The following ELOVL4 variants were observed in gnomAD, a reference collection of about 807,000 sequenced individuals.
ELOVL4 encodes ELOVL fatty acid elongase 4.
A neutral mutation model predicts 42.1 loss-of-function variants in ELOVL4; 18 were observed. The observed-to-expected ratio is 0.43, with a 90% CI of 0.30 to 0.63. The LOEUF is 0.63. Ranked by LOEUF, ELOVL4 falls within the 30% of genes least tolerant of loss-of-function variation. The pLI is 0.15. For missense variants in ELOVL4, 299 were observed against 376.2 expected, an observed-to-expected ratio of 0.79 and a Z score of 1.70; for synonymous variants, 117 against 127.0, an observed-to-expected ratio of 0.92 and a Z score of 0.53.
At chr6:79,924,074 G>A (rs117007854) in intron 3 of ELOVL4, among the ~76,000 whole-genome samples, 8 of 152,160 alleles carry the variant, frequency 5.3e-5, no homozygotes, top group East Asian at 1.9e-4. Flanking sequence ...CAATAAATAC[G>A]TAATAGAATA....
At chr6:79,932,123 G>T (rs1420301305) in intron 1 of ELOVL4, among the ~76,000 whole-genome samples, 2 of 152,178 alleles carry the variant, frequency 1.3e-5, no homozygotes, top group Non-Finnish European at 2.9e-5. Context: ...AATGTGTTCA[G>T]CAATCATACA....
chr6:79,922,075 T>A (rs777915365), intron 3 of ELOVL4, among the ~76,000 whole-genome samples: 1 of 152,240 alleles, frequency 6.6e-6, no homozygotes, highest in African/African-American at 2.4e-5. Context: ...AACTGCTGAA[T>A]ACAGAGCTGG....
At chr6:79,923,663 T>C (rs1474729759) in intron 3 of ELOVL4, among the ~76,000 whole-genome samples, 2 of 152,220 alleles carry the variant, frequency 1.3e-5, no homozygotes, top group Admixed American at 1.3e-4. Context: ...TTTGTTTACA[T>C]GGCTGCTGTC....
chr6:79,919,908 T>C (rs1774223608), intron 4 of ELOVL4, among the ~76,000 whole-genome samples: 1 of 152,190 alleles, frequency 6.6e-6, no homozygotes, highest in Non-Finnish European at 1.5e-5. Context: ...CCAATATATA[T>C]ATCTGCAACA....
At chr6:79,919,645 A>G in intron 4 of ELOVL4, 98 bp from the exon 5 acceptor site, 2 of 1,111,224 alleles carry the variant, frequency 1.8e-6, no homozygotes, top group Admixed American at 4.5e-5. Flanking sequence ...ATTTTTTAAT[A>G]TTTAATCTTG....
chr6:79,933,499 G>A (rs1048399069), intron 1 of ELOVL4, among the ~76,000 whole-genome samples: 2 of 152,050 alleles, frequency 1.3e-5, no homozygotes, highest in African/African-American at 4.8e-5. Context: ...CCAAAGTGCT[G>A]GGATTACAGT....
Position 79,922,460 on chromosome 6 carries a change from A to G in ELOVL4, c.370-664T>C, listed in dbSNP as rs1360008307. Among the ~76,000 whole-genome samples, 5 of 152,322 alleles carry G rather than the reference A, an allele frequency of 3.3e-5. No individual in the cohort carries two copies. In the East Asian group the frequency reaches 7.7e-4, roughly 24 times the overall value. ...TCTTTTCCTGGGCTCTAATTAAGGC[A>G]CCAGATGGTACAGAAAGATTACATT... On this transcript the variant is annotated intron_variant, in intron 3 of 5. Transcript: ENST00000369816.
At chr6:79,936,545 T>A (rs1210554667) in intron 1 of ELOVL4, among the ~76,000 whole-genome samples, 2 of 152,232 alleles carry the variant, frequency 1.3e-5, no homozygotes, top group African/African-American at 4.8e-5. Flanking sequence ...CCTTGCTGTA[T>A]CTCTGTTAAC....
chr6:79,938,576 C>T (rs756248603), intron 1 of ELOVL4, among the ~76,000 whole-genome samples: 15 of 152,162 alleles, frequency 9.9e-5, no homozygotes, highest in Non-Finnish European at 1.9e-4. Flanking sequence ...AATCCTACAC[C>T]GTCATATGGA....
intron 5 of ELOVL4, among the ~76,000 whole-genome samples, chr6:79,918,043 G>A (rs1774190391): frequency 6.6e-6 from 1 of 152,036 alleles, no homozygotes; most frequent in Non-Finnish European, 1.5e-5. Context: ...TAACTGTTGT[G>A]GGAACTTCTG....
chr6:79,937,618 T>TAG (rs146882442), intron 1 of ELOVL4, among the ~76,000 whole-genome samples: 2,849 of 152,228 alleles, frequency 0.019, 88 homozygotes, highest in African/African-American at 0.064. Context: ...GCCTGACACT[T>TAG]AGTAAGCATC....
chr6:79,927,643 T>C (rs1295649232), intron 1 of ELOVL4, among the ~76,000 whole-genome samples: 1 of 152,122 alleles, frequency 6.6e-6, no homozygotes, highest in Non-Finnish European at 1.5e-5. Context: ...ATGACACAAC[T>C]ATGGTTTTAA....
chr6:79,936,865 G>A (rs974587873), intron 1 of ELOVL4, among the ~76,000 whole-genome samples: 2 of 152,198 alleles, frequency 1.3e-5, no homozygotes, highest in Admixed American at 1.3e-4. Flanking sequence ...AGATCCTGAA[G>A]GTGGTGGGTG....
intron 1 of ELOVL4, among the ~76,000 whole-genome samples, chr6:79,928,735 T>TG (rs1774390815): frequency 7.2e-6 from 1 of 138,332 alleles, no homozygotes; most frequent in Non-Finnish European, 1.5e-5. Context: ...GGGTTTTTTT[T>TG]TTTTTTTTTT....
At chr6:79,936,099 T>C (rs1774538110) in intron 1 of ELOVL4, among the ~76,000 whole-genome samples, 1 of 152,232 alleles carries the variant, frequency 6.6e-6, no homozygotes, top group African/African-American at 2.4e-5. Context: ...GATTTCTTCC[T>C]AGATTCTATC....
At chr6:79,921,844 A>G (rs1433258242) in intron 3 of ELOVL4, 48 bp from the exon 4 acceptor site, 4 of 1,558,598 alleles carry the variant, frequency 2.6e-6, no homozygotes, top group African/African-American at 1.4e-5. Context: ...ACACTATTGT[A>G]TGGGTTTATA....
At chr6:79,944,483 C>G (rs185628528) in intron 1 of ELOVL4, among the ~76,000 whole-genome samples, 160 of 152,312 alleles carry the variant, frequency 1.1e-3, no homozygotes, top group African/African-American at 3.8e-3. Context: ...AAAAGTATAG[C>G]TCTTTCAAAC....
chr6:79,922,011 A>G (rs1774267249), intron 3 of ELOVL4, among the ~76,000 whole-genome samples: 1 of 152,250 alleles, frequency 6.6e-6, no homozygotes, highest in Non-Finnish European at 1.5e-5. Flanking sequence ...TACAGTGCCA[A>G]TAAGTTAGAG....
At chr6:79,946,558 T>C (rs1157883323) in intron 1 of ELOVL4, among the ~76,000 whole-genome samples, 1 of 152,218 alleles carries the variant, frequency 6.6e-6, no homozygotes, top group Non-Finnish European at 1.5e-5. Flanking sequence ...AGACAATCAC[T>C]TCAAACATAT....
Sources: allele counts gnomAD v4.1 joint callset (sites outside exome capture counted in the v4.1 genomes callset), GRCh38; gene constraint gnomAD v4.1.1; transcripts MANE v1.5; gene names NCBI Gene and HGNC (gene_info 2026-07-23, HGNC 2026-07-21).